The following CNOT4 variants were observed in gnomAD, a reference collection of about 807,000 sequenced individuals.
CNOT4 encodes the protein CCR4-associated factor 4.
In CNOT4, 8 loss-of-function variants were observed where a neutral mutation model predicts 73.8. The observed-to-expected ratio is 0.11, with a 90% confidence interval of 0.06 to 0.20. The LOEUF (loss-of-function observed/expected upper bound fraction) is 0.20, where lower values mean the gene tolerates loss of function less well. Among genes scored for constraint, CNOT4 ranks in the 10% least tolerant of loss-of-function variants. CNOT4 has a pLI of 1.00. For synonymous variants in CNOT4, 293 were observed against 321.1 expected (o/e 0.91, Z 0.94); for missense variants, 564 against 883.4 (o/e 0.64, Z 4.58).
chr7:135,467,612 T>C (rs556056678), intron 1 of CNOT4, among the ~76,000 whole-genome samples: 77 of 152,154 alleles, frequency 5.1e-4, no homozygotes, highest in African/African-American at 1.7e-3. Flanking sequence ...AGTTAAGAGA[T>C]TGGAGCAAAA....
chr7:135,438,079 A>G (rs1165341820), intron 2 of CNOT4, 79 bp downstream of exon 2: 2 of 729,484 alleles, frequency 2.7e-6, no homozygotes, highest in Non-Finnish European at 4.8e-6. Flanking sequence ...AGTCTTTTAA[A>G]TTCACTTGCT....
intron 7 of CNOT4, among the ~76,000 whole-genome samples, chr7:135,404,674 TCA>T (rs1198058503): frequency 3.9e-5 from 6 of 152,186 alleles, no homozygotes; most frequent in African/African-American, 1.4e-4. Context: ...GACTATACCT[TCA>T]GTCTATCAGA....
intron 10 of CNOT4, among the ~76,000 whole-genome samples, chr7:135,377,433 C>G (rs1210905402): frequency 2.6e-5 from 4 of 152,162 alleles, no homozygotes; most frequent in Non-Finnish European, 5.9e-5. Context: ...AGTCTTTGTA[C>G]CTTCCACTCA....
intron 2 of CNOT4, among the ~76,000 whole-genome samples, chr7:135,433,584 C>T (rs1320476137): frequency 6.6e-6 from 1 of 151,988 alleles, no homozygotes; most frequent in Non-Finnish European, 1.5e-5. Flanking sequence ...TCTCAAACTC[C>T]TAACCTCAAA....
chr7:135,404,660 C>T lies in CNOT4; in HGVS notation c.821+5855G>A, dbSNP rs962123574. On this transcript the variant is annotated intron_variant, in intron 7 of 11. Coordinates refer to ENST00000541284, the MANE Select transcript of CNOT4 (RefSeq NM_001190850.2). ...CCCATTCTGCTGAACTAATAAGGTA[C>T]TCTGACTATACCTTCAGTCTATCAG... Among the ~76,000 whole-genome samples the T allele has an allele frequency of 2.0e-5, 3 of 152,148 alleles. No individual in the cohort carries two copies. The South Asian group carries it at 6.2e-4, about 31-fold the overall frequency.
At position 135,363,331 on chromosome 7, in the gene CNOT4, C is replaced by A; in HGVS notation, c.1841-145G>T. On this transcript the variant is annotated intron_variant, in intron 11 of 11. Transcript: ENST00000541284. This position sits in a 1 kb window ranked among gnomAD's most constrained non-coding sequence, Gnocchi z 4.3. Reference sequence around the variant, plus strand: ...TCCTTCCAAATAAGACCTTTTAAACCAATCCTCCCCCAACAACAAAGAACT... The same window carrying A: ...TCCTTCCAAATAAGACCTTTTAAACAAATCCTCCCCCAACAACAAAGAACT... The A allele has an allele frequency of 2.8e-6, 2 of 713,050 alleles. No homozygotes were observed. Among genetic ancestry groups the A allele is most frequent in the Non-Finnish European group, 2.3e-6 (1 of 431,928 alleles). 44.2% of individuals were successfully genotyped at this position (713,050 alleles called of 1,614,324 possible).
chr7:135,388,818 T>G (rs761427600), intron 10 of CNOT4: 1 of 1,612,960 alleles, frequency 6.2e-7, no homozygotes, highest in South Asian at 1.1e-5. Context: ...TGTGGAGACT[T>G]GTAGGCTGCT....
At chr7:135,393,118 C>T (rs565091708) in intron 10 of CNOT4, among the ~76,000 whole-genome samples, 15 of 152,132 alleles carry the variant, frequency 9.9e-5, no homozygotes, top group African/African-American at 2.6e-4. Context: ...CAAAGTTAAA[C>T]GAGAACACTA....
chr7:135,491,999 C>T (rs1803142442), intron 1 of CNOT4, among the ~76,000 whole-genome samples: 1 of 152,106 alleles, frequency 6.6e-6, no homozygotes, highest in Non-Finnish European at 1.5e-5. Flanking sequence ...CTATTGAGTA[C>T]AGATGTAGTC....
chr7:135,479,111 A>AT (rs1196520139), intron 1 of CNOT4, among the ~76,000 whole-genome samples: 1 of 150,838 alleles, frequency 6.6e-6, no homozygotes, highest in African/African-American at 2.4e-5. Context: ...TGGTATGTGC[A>AT]TTTTTTTAGC....
chr7:135,415,542 T>C (rs1002363070), intron 3 of CNOT4, among the ~76,000 whole-genome samples: 1 of 152,082 alleles, frequency 6.6e-6, no homozygotes. Flanking sequence ...CAATAGTCTA[T>C]GGGATCTTAC....
chr7:135,406,075 T>C (rs1405657400), intron 7 of CNOT4, among the ~76,000 whole-genome samples: 1 of 152,186 alleles, frequency 6.6e-6, no homozygotes, highest in Non-Finnish European at 1.5e-5. Context: ...CTCATCACTC[T>C]AATTTGGCAA....
intron 2 of CNOT4, among the ~76,000 whole-genome samples, chr7:135,427,211 T>C (rs1480962023): frequency 6.6e-6 from 1 of 152,248 alleles, no homozygotes; most frequent in African/African-American, 2.4e-5. Flanking sequence ...ATGTTTCCAC[T>C]TTTATTCCAA....
At chr7:135,411,999 C>T (rs1012776291) in intron 6 of CNOT4, among the ~76,000 whole-genome samples, 1 of 151,818 alleles carries the variant, frequency 6.6e-6, no homozygotes, top group African/African-American at 2.4e-5. Flanking sequence ...CAAAAAATCC[C>T]CTTTTAAAGT....
At chr7:135,417,361 AAT>A (rs1419515499) in intron 3 of CNOT4, among the ~76,000 whole-genome samples, 1 of 152,226 alleles carries the variant, frequency 6.6e-6, no homozygotes, top group African/African-American at 2.4e-5. Flanking sequence ...TATATGTACA[AAT>A]AGTCTTTTTA....
chr7:135,366,076 T>G (rs1265957251), intron 10 of CNOT4, among the ~76,000 whole-genome samples: 1 of 152,146 alleles, frequency 6.6e-6, no homozygotes, highest in Non-Finnish European at 1.5e-5. Flanking sequence ...GATGTATAAC[T>G]ACATGGGAAC....
At chr7:135,443,354 C>CAA (rs756247803) in intron 1 of CNOT4, among the ~76,000 whole-genome samples, 5 of 110,448 alleles carry the variant, frequency 4.5e-5, no homozygotes, top group Admixed American at 2.7e-4. Context: ...GATCCTGTCA[C>CAA]AAAAAAAAAA....
chr7:135,384,543 C>G (rs1421879490), intron 10 of CNOT4: 1 of 649,224 alleles, frequency 1.5e-6, no homozygotes, highest in Non-Finnish European at 2.8e-6. Flanking sequence ...CCTTGGCCTC[C>G]CAAAGTGTTG....
chr7:135,410,603 A>G lies in CNOT4; in HGVS notation c.733T>C (p.Tyr245His), dbSNP rs1372595475. The change falls in exon 7 of 12, where the codon TAT becomes CAT. Residue 245 changes from tyrosine (Y) to histidine (H), a missense_variant. Tyr to His is a moderately conservative substitution (Grantham distance 83, BLOSUM62 2). Coordinates refer to ENST00000541284, the MANE Select transcript of CNOT4 (RefSeq NM_001190850.2). ...EYEQKLLQEL[Y>H]KLNPNFLQLS... ...TGAAGAAAATTGGGATTTAATTTAT[A>G]TAATTCTTGAAGTAGCTTCTGTTCA... The G allele has an allele frequency of 1.9e-6, 3 of 1,598,696 alleles. No individual in the cohort carries two copies. The highest frequency in any genetic ancestry group is 2.6e-6 in the Non-Finnish European group (3 of 1,173,350).
Sources: allele counts gnomAD v4.1 joint callset (sites outside exome capture counted in the v4.1 genomes callset), GRCh38; gene constraint gnomAD v4.1.1; non-coding constraint Gnocchi (gnomAD v3.1); transcripts MANE v1.5; gene names NCBI Gene and HGNC (gene_info 2026-07-23, HGNC 2026-07-21).